The following UNC5C variants were observed in gnomAD, a reference collection of about 807,000 sequenced individuals.
The protein encoded by UNC5C is unc-5 netrin receptor C.
In UNC5C, 47 loss-of-function variants were observed where a neutral mutation model predicts 99.8. The ratio of observed to expected loss-of-function variants is 0.47; its 90% CI spans 0.37 to 0.60. The LOEUF (loss-of-function observed/expected upper bound fraction) is 0.60. Ranked by LOEUF, UNC5C falls within the 20% of genes least tolerant of loss-of-function variation. The pLI, the probability that UNC5C is intolerant of heterozygous loss-of-function variation, is 0.00. For missense variants in UNC5C, 1,062 were observed against 1,165.9 expected (o/e 0.91, Z 1.30); for synonymous variants, 487 against 452.2 (o/e 1.08, Z -0.98).
chr4:95,205,413 C>T (rs1199131689), intron 11 of UNC5C, among the ~76,000 whole-genome samples: 1 of 152,074 alleles, frequency 6.6e-6, no homozygotes, highest in East Asian at 1.9e-4. Flanking sequence ...ATGTACGCTT[C>T]GGCAAGCAGT....
At chr4:95,328,819 GAC>G (rs1743003550) in intron 2 of UNC5C, among the ~76,000 whole-genome samples, 1 of 152,150 alleles carries the variant, frequency 6.6e-6, no homozygotes, top group South Asian at 2.1e-4. Context: ...GCCGGGCAGA[GAC>G]ACAACCAAAA....
intron 1 of UNC5C, among the ~76,000 whole-genome samples, chr4:95,513,841 T>C (rs1905850): frequency 0.36 from 54,419 of 152,018 alleles, 11,169 homozygotes; most frequent in East Asian, 0.52. Context: ...AATGTATGTC[T>C]AACTTATTTG....
intron 12 of UNC5C, among the ~76,000 whole-genome samples, chr4:95,190,532 C>T (rs887356169): frequency 6.6e-6 from 1 of 152,068 alleles, no homozygotes; most frequent in African/African-American, 2.4e-5. Context: ...TGCCTTGTTG[C>T]TCCTTGAACT....
At chr4:95,348,973 G>A (rs752341678) in intron 1 of UNC5C, among the ~76,000 whole-genome samples, 1 of 137,094 alleles carries the variant, frequency 7.3e-6, no homozygotes, top group Non-Finnish European at 1.6e-5. Flanking sequence ...AGCTGGGAAG[G>A]GTAGTGAGAG....
chr4:95,478,624 G>T (rs1721034610), intron 1 of UNC5C, among the ~76,000 whole-genome samples: 1 of 151,938 alleles, frequency 6.6e-6, no homozygotes. Flanking sequence ...AGTTAGCCTA[G>T]AGTGACTCTT....
chr4:95,228,246 AGCC>A (rs1738768123), intron 7 of UNC5C, among the ~76,000 whole-genome samples: 1 of 152,218 alleles, frequency 6.6e-6, no homozygotes, highest in South Asian at 2.1e-4. Flanking sequence ...TTATTTTTCT[AGCC>A]TTTTCAAATT....
chr4:95,520,662 C>A (rs1352559025), intron 1 of UNC5C, among the ~76,000 whole-genome samples: 2 of 150,542 alleles, frequency 1.3e-5, no homozygotes, highest in African/African-American at 4.9e-5. Context: ...GCAGTGGTGC[C>A]CTCTCGGCTC....
chr4:95,513,089 T>C (rs1401452194), intron 1 of UNC5C, among the ~76,000 whole-genome samples: 1 of 152,296 alleles, frequency 6.6e-6, no homozygotes, highest in South Asian at 2.1e-4. Context: ...TCATGGTTGC[T>C]AAATATGTAA....
chr4:95,179,746 C>CAAAA (rs33974336), intron 14 of UNC5C, among the ~76,000 whole-genome samples: 32 of 98,452 alleles, frequency 3.3e-4, no homozygotes, highest in African/African-American at 4.3e-4. Flanking sequence ...GACTCCTTCT[C>CAAAA]AAAAAAAAAA....
At chr4:95,261,494 T>C (rs1428502553) in intron 4 of UNC5C, among the ~76,000 whole-genome samples, 1 of 152,134 alleles carries the variant, frequency 6.6e-6, no homozygotes, top group African/African-American at 2.4e-5. Context: ...GTAAATGACC[T>C]GGAGAAATAA....
intron 1 of UNC5C, among the ~76,000 whole-genome samples, chr4:95,379,405 A>C (rs980798360): frequency 3.9e-5 from 6 of 152,228 alleles, no homozygotes; most frequent in African/African-American, 1.4e-4. Flanking sequence ...GTCTTTAACA[A>C]GCAATTATCT....
chr4:95,350,758 C>G (rs1743959865), intron 1 of UNC5C, among the ~76,000 whole-genome samples: 2 of 152,146 alleles, frequency 1.3e-5, no homozygotes, highest in African/African-American at 4.8e-5. Context: ...GACACATGCT[C>G]TCTTCTCTGG....
chr4:95,520,965 C>A (rs1325280714), intron 1 of UNC5C, among the ~76,000 whole-genome samples: 1 of 151,992 alleles, frequency 6.6e-6, no homozygotes, highest in Non-Finnish European at 1.5e-5. Flanking sequence ...AATAATGATG[C>A]CCCTCTCTAT....
At chr4:95,294,744 T>C (rs1212327299) in intron 3 of UNC5C, among the ~76,000 whole-genome samples, 1 of 152,232 alleles carries the variant, frequency 6.6e-6, no homozygotes, top group Non-Finnish European at 1.5e-5. Context: ...TTGCTCAGTA[T>C]TGATGTTTCA....
chr4:95,392,430 AT>A (rs10608601), intron 1 of UNC5C, among the ~76,000 whole-genome samples: 2,504 of 109,016 alleles, frequency 0.023, 34 homozygotes, highest in African/African-American at 0.035. Context: ...GTATCAAAAC[AT>A]TTTTTTTTTT....
At chr4:95,469,446 C>G (rs1747897764) in intron 1 of UNC5C, among the ~76,000 whole-genome samples, 1 of 152,066 alleles carries the variant, frequency 6.6e-6, no homozygotes, top group South Asian at 2.1e-4. Context: ...CAAAAGTATG[C>G]CTTTCTTATA....
chr4:95,216,194 G>A lies in UNC5C; in HGVS notation c.1663C>T (p.Pro555Ser). The A allele has an allele frequency of 6.2e-7, 1 of 1,613,146 alleles. No individual in the cohort carries two copies. Among genetic ancestry groups the A allele is most frequent in the South Asian group, 1.1e-5 (1 of 91,050 alleles). The stretch of plus-strand genomic sequence containing the variant: ...CTCCCTTGGGGAATGGCCCCAGCGG[G>A]AATCAGCAAGCTGACTCCTGAATAG... Reference protein sequence around the residue: ...VPNSGVSLLIPAGAIPQGRVY... With the variant: ...VPNSGVSLLISAGAIPQGRVY... The change falls in exon 10 of 16, where the codon CCC becomes TCC. Residue 555 changes from proline (P) to serine (S), a missense_variant. Around this residue, in one of 3 missense-constraint regions of UNC5C, gnomAD observed 810 missense variants for 854.5 expected, o/e 0.95. Coordinates refer to ENST00000453304, the MANE Select transcript of UNC5C (RefSeq NM_003728.4).
At chr4:95,319,439 C>T (rs570122222) in intron 2 of UNC5C, among the ~76,000 whole-genome samples, 6 of 152,320 alleles carry the variant, frequency 3.9e-5, no homozygotes, top group African/African-American at 1.4e-4. Flanking sequence ...GTCCAAGGCT[C>T]CGTCATCAGA....
chr4:95,239,367 T>C (rs896815909), intron 7 of UNC5C, among the ~76,000 whole-genome samples: 4 of 152,188 alleles, frequency 2.6e-5, no homozygotes, highest in Admixed American at 6.5e-5. Flanking sequence ...TGTCTTCCCT[T>C]GGCTGGTGGG....
Sources: allele counts gnomAD v4.1 joint callset (sites outside exome capture counted in the v4.1 genomes callset), GRCh38; gene constraint gnomAD v4.1.1; regional missense constraint gnomAD v4.1.1; transcripts MANE v1.5; gene names NCBI Gene and HGNC (gene_info 2026-07-23, HGNC 2026-07-21).